CADM2: variants seen among roughly 807,000 people sequenced by gnomAD.
The protein encoded by CADM2 is immunoglobulin superfamily member 4D.
In CADM2, 12 loss-of-function variants were observed where a neutral mutation model predicts 49.8. The observed-to-expected ratio is 0.24, with a 90% CI of 0.15 to 0.39. The LOEUF (loss-of-function observed/expected upper bound fraction) is 0.39, where lower values mean the gene tolerates loss of function less well. Ranked by LOEUF, CADM2 falls within the 10% of genes least tolerant of loss-of-function variation. The probability of loss-of-function intolerance (pLI) is 1.00; values close to 1 mark genes in which losing one functional copy is unlikely to be tolerated. For missense variants in CADM2, 378 were observed against 492.3 expected, an observed-to-expected ratio of 0.77 and a Z score of 2.20; for synonymous variants, 214 against 175.4, an observed-to-expected ratio of 1.22 and a Z score of -1.74.
chr3:85,712,529 TAATAC>T (rs2067148402), intron 1 of CADM2, among the ~76,000 whole-genome samples: 1 of 152,198 alleles, frequency 6.6e-6, no homozygotes, highest in Admixed American at 6.5e-5. Context: ...TCAGTATACC[TAATAC>T]ATTTTCTGAA....
chr3:85,327,571 C>CACACACAG, intron 1 of CADM2, among the ~76,000 whole-genome samples: 1 of 145,042 alleles, frequency 6.9e-6, no homozygotes, highest in Non-Finnish European at 1.5e-5. Context: ...CACACACACA[C>CACACACAG]ACACACACAC....
intron 1 of CADM2, among the ~76,000 whole-genome samples, chr3:85,635,982 G>C (rs2064462497): frequency 6.6e-6 from 1 of 152,102 alleles, no homozygotes; most frequent in South Asian, 2.1e-4. Flanking sequence ...GAAACCTACT[G>C]TGCTGCCAGT....
chr3:85,901,854 A>C (rs531739571), intron 5 of CADM2, among the ~76,000 whole-genome samples: 6 of 152,078 alleles, frequency 3.9e-5, no homozygotes, highest in Non-Finnish European at 8.8e-5. Flanking sequence ...TGTCTGTATA[A>C]ATTTGCCTAC....
At chr3:85,707,825 A>C (rs576029995) in intron 1 of CADM2, among the ~76,000 whole-genome samples, 12 of 152,340 alleles carry the variant, frequency 7.9e-5, no homozygotes, top group African/African-American at 2.6e-4. Context: ...GAAAAGAATT[A>C]GATTTAAAAT....
intron 1 of CADM2, among the ~76,000 whole-genome samples, chr3:85,178,160 T>G (rs2040835121): frequency 6.6e-6 from 1 of 151,932 alleles, no homozygotes. Flanking sequence ...GAAGTCAGTT[T>G]TCCTTCATAT....
intron 2 of CADM2, among the ~76,000 whole-genome samples, chr3:85,774,716 T>C (rs1297351491): frequency 6.6e-6 from 1 of 151,662 alleles, no homozygotes; most frequent in Non-Finnish European, 1.5e-5. Flanking sequence ...TGAAGTCTGC[T>C]CTCATAATAG....
At chr3:85,232,925 A>T (rs1010869817) in intron 1 of CADM2, among the ~76,000 whole-genome samples, 3 of 152,336 alleles carry the variant, frequency 2.0e-5, no homozygotes, top group Middle Eastern at 3.4e-3. Context: ...ATTTATGTCC[A>T]TACAAAAACC....
At chr3:85,004,491 C>A (rs2033629292) in intron 1 of CADM2, among the ~76,000 whole-genome samples, 1 of 152,098 alleles carries the variant, frequency 6.6e-6, no homozygotes, top group Non-Finnish European at 1.5e-5. Flanking sequence ...ATAAGCAATT[C>A]TACTGTAAAG....
intron 1 of CADM2, among the ~76,000 whole-genome samples, chr3:85,203,107 C>A (rs1445054107): frequency 6.6e-6 from 1 of 152,106 alleles, no homozygotes; most frequent in Non-Finnish European, 1.5e-5. Flanking sequence ...AGCTGGAGCT[C>A]TTTCTTATCA....
intron 3 of CADM2, among the ~76,000 whole-genome samples, chr3:85,843,900 G>T (rs1214188342): frequency 2.0e-5 from 3 of 151,706 alleles, no homozygotes; most frequent in Non-Finnish European, 4.4e-5. Flanking sequence ...GTGTGTGTGG[G>T]GGGGGAGCGG....
At chr3:85,761,294 G>A (rs899780168) in intron 2 of CADM2, among the ~76,000 whole-genome samples, 1 of 147,656 alleles carries the variant, frequency 6.8e-6, no homozygotes, top group South Asian at 2.2e-4. Context: ...GCAAAAATAT[G>A]TATATATTTA....
chr3:85,920,514 G>T (rs544562672), intron 6 of CADM2, among the ~76,000 whole-genome samples: 1 of 151,826 alleles, frequency 6.6e-6, no homozygotes, highest in East Asian at 1.9e-4. Context: ...ATTTCATTAT[G>T]TCAATAAAGA....
At chr3:85,359,290 A>G (rs2032131945) in intron 1 of CADM2, among the ~76,000 whole-genome samples, 1 of 152,144 alleles carries the variant, frequency 6.6e-6, no homozygotes, top group Non-Finnish European at 1.5e-5. Context: ...TTGAACAAGC[A>G]TTTTCAGTAT....
At chr3:85,558,630 T>C (rs2107163956) in intron 1 of CADM2, among the ~76,000 whole-genome samples, 1 of 152,200 alleles carries the variant, frequency 6.6e-6, no homozygotes, top group Admixed American at 6.5e-5. Flanking sequence ...ATTATAATCT[T>C]AGGACTATTT....
intron 1 of CADM2, among the ~76,000 whole-genome samples, chr3:85,462,481 C>T (rs894538126): frequency 1.3e-5 from 2 of 152,076 alleles, no homozygotes; most frequent in African/African-American, 4.8e-5. Flanking sequence ...TGATTCATTC[C>T]ATGGTGGCCT....
intron 1 of CADM2, among the ~76,000 whole-genome samples, chr3:85,185,389 G>A (rs577769663): frequency 6.6e-6 from 1 of 151,972 alleles, no homozygotes; most frequent in African/African-American, 2.4e-5. Flanking sequence ...AAAACATTTA[G>A]CAGCCTTTTG....
In CADM2 at chr3:85,769,272, T is replaced by TACATATATAGTATATATACACACATATAC. The variant is rs1559643984; in HGVS notation, c.89-32766_89-32765insGTATATATACACACATATACACATATATA. Among the ~76,000 whole-genome samples, 334 of 38,672 alleles carry TACATATATAGTATATATACACACATATAC rather than the reference T, an allele frequency of 8.6e-3. 1 individual carries two copies. Among genetic ancestry groups the TACATATATAGTATATATACACACATATAC allele is most frequent in the East Asian group, 0.029 (21 of 718 alleles). 25.4% of individuals were successfully genotyped at this position (38,672 alleles called of 152,430 possible). A position where few individuals can be genotyped will look rare whatever the true frequency, so the allele number is the denominator to read the frequency against. On this transcript the variant is annotated intron_variant, in intron 2 of 9. Transcript: ENST00000383699. Reference sequence around the variant, plus strand: ...CATATATAGTATATATACACATATATACATATATACATATATAGTATATAT... The same window carrying TACATATATAGTATATATACACACATATAC: ...CATATATAGTATATATACACATATATACATATATAGTATATATACACACATATACACATATATACATATATAGTATATAT...
chr3:85,559,384 T>C (rs1367828307), intron 1 of CADM2, among the ~76,000 whole-genome samples: 1 of 152,052 alleles, frequency 6.6e-6, no homozygotes, highest in African/African-American at 2.4e-5. Context: ...CTATTCAATA[T>C]CTTAATGGAA....
At chr3:84,997,683 C>T (rs1393467667) in intron 1 of CADM2, among the ~76,000 whole-genome samples, 1 of 151,636 alleles carries the variant, frequency 6.6e-6, no homozygotes, top group African/African-American at 2.4e-5. Context: ...TTAAATACTA[C>T]CATGTTTGTT....
Sources: gnomAD v4.1 joint callset for allele counts (sites outside exome capture counted in the v4.1 genomes callset) on GRCh38, gnomAD v4.1.1 for gene constraint, MANE v1.5 for transcripts, NCBI Gene and HGNC (gene_info 2026-07-23, HGNC 2026-07-21) for gene names.